The following TP53BP2 variants were observed in gnomAD, a reference collection of about 807,000 sequenced individuals.
TP53BP2 encodes the protein apoptosis-stimulating of p53 protein 2.
In TP53BP2, 62 loss-of-function variants were observed where a neutral mutation model predicts 126.2. The ratio of observed to expected loss-of-function variants is 0.49; its 90% CI spans 0.40 to 0.61. The LOEUF (loss-of-function observed/expected upper bound fraction) is 0.61, where lower values mean the gene tolerates loss of function less well. Ranked by LOEUF, TP53BP2 falls within the 20% of genes least tolerant of loss-of-function variation. The pLI is 0.00. For missense variants in TP53BP2, 1,215 were observed against 1,402.8 expected (o/e 0.87, Z 2.14); for synonymous variants, 485 against 502.9 (o/e 0.96, Z 0.48).
At chr1:223,800,195 C>T (rs1662482087) in intron 10 of TP53BP2, 148 bp from the exon 11 acceptor site, 1 of 795,480 alleles carries the variant, frequency 1.3e-6, no homozygotes, top group Non-Finnish European at 1.9e-6. Context: ...AAAGGATAAC[C>T]CAAGCACTAT....
chr1:223,836,128 G>A (rs977513263), intron 1 of TP53BP2, among the ~76,000 whole-genome samples: 4 of 152,196 alleles, frequency 2.6e-5, no homozygotes, highest in Non-Finnish European at 4.4e-5. Context: ...GGACAAAGAA[G>A]AGATGGGTCA....
chr1:223,781,198 A>G (rs1661765248), intron 17 of TP53BP2, among the ~76,000 whole-genome samples: 1 of 150,830 alleles, frequency 6.6e-6, no homozygotes. Flanking sequence ...TGAGCTGTAA[A>G]TCGGCTCTAT....
intron 2 of TP53BP2, among the ~76,000 whole-genome samples, chr1:223,817,837 A>T (rs1663142037): frequency 6.6e-6 from 1 of 151,958 alleles, no homozygotes; most frequent in Non-Finnish European, 1.5e-5. Context: ...GAGGCAGCAG[A>T]ATCACCTGAA....
intron 3 of TP53BP2, among the ~76,000 whole-genome samples, chr1:223,812,736 T>A (rs550299775): frequency 1.5e-4 from 23 of 152,224 alleles, no homozygotes; most frequent in African/African-American, 5.1e-4. Flanking sequence ...ATTTTTGTAT[T>A]TTTAGTAGAG....
At chr1:223,845,531 G>T in intron 1 of TP53BP2, 123 bp downstream of exon 1, 1 of 1,095,572 alleles carries the variant, frequency 9.1e-7, no homozygotes, top group Non-Finnish European at 1.2e-6. Flanking sequence ...GAAAGCCCCG[G>T]CCCCTCCGCG....
intron 12 of TP53BP2, 78 bp downstream of exon 12, chr1:223,798,137 T>G: frequency 7.3e-7 from 1 of 1,377,412 alleles, no homozygotes; most frequent in Non-Finnish European, 9.9e-7. Flanking sequence ...GGATTAGTTA[T>G]TTTGCTGTCT....
chr1:223,798,241 T>C lies in TP53BP2; in HGVS notation c.1922A>G (p.His641Arg). ...QAVQSALTKT[H>R]TRGPHFSSVY... is the part of the protein sequence containing the mutation. Reference sequence around the variant, plus strand: ...ACTTGAAAAGTGTGGCCCTCTGGTATGAGTCTTGGTCAACGCGCTCTGCAC... The same window carrying C: ...ACTTGAAAAGTGTGGCCCTCTGGTACGAGTCTTGGTCAACGCGCTCTGCAC... The change falls in exon 12 of 18, where the codon CAT (histidine) becomes CGT (arginine). Residue 641 changes from histidine to arginine, a missense_variant. Physicochemically the swap from His to Arg is conservative, Grantham distance 29. Transcript: ENST00000343537. The C allele has an allele frequency of 1.2e-6, 2 of 1,613,994 alleles. No individual in the cohort carries two copies. The highest frequency in any genetic ancestry group is 8.5e-7 in the Non-Finnish European group (1 of 1,179,894).
In TP53BP2 at chr1:223,800,073, A is replaced by G. The variant is rs770480278; in HGVS notation, c.1337-26T>C. 6.9e-6 allele frequency: 11 copies of G among 1,585,016 alleles called. No homozygotes were observed. In the African/African-American group the frequency reaches 1.1e-4, roughly 16 times the overall value. On this transcript the variant is annotated intron_variant, in intron 10 of 17. Transcript: ENST00000343537. ...CTAAAGACAAAAAAATCACAATGAC[A>G]TTCAAACTGTTTAGAATAAAGTATC...
intron 1 of TP53BP2, among the ~76,000 whole-genome samples, chr1:223,822,061 G>A (rs1002806844): frequency 5.3e-5 from 8 of 151,618 alleles, no homozygotes; most frequent in South Asian, 4.2e-4. Context: ...ACCACACCAC[G>A]CCATGCCACA....
chr1:223,788,984 C>A, intron 16 of TP53BP2, 24 bp downstream of exon 16: 1 of 1,608,426 alleles, frequency 6.2e-7, no homozygotes, highest in South Asian at 1.1e-5. Context: ...GTAATCAATA[C>A]ATTTAGTTCT....
At chr1:223,788,835 A>G (rs529687399) in intron 16 of TP53BP2, among the ~76,000 whole-genome samples, 173 bp downstream of exon 16, 39 of 152,354 alleles carry the variant, frequency 2.6e-4, no homozygotes, top group African/African-American at 8.9e-4. Context: ...GCTGTTTCTA[A>G]GCATACAAAC....
intron 15 of TP53BP2, among the ~76,000 whole-genome samples, chr1:223,790,589 A>T (rs556663903): frequency 2.8e-4 from 43 of 151,238 alleles, no homozygotes; most frequent in South Asian, 1.2e-3. Context: ...AAATTTTTTT[A>T]AATTCCCCAT....
rs1661729883 is a variant in TP53BP2 at position 223,780,401 on chromosome 1, C to T, written c.*452G>A. 6.4e-6 allele frequency: 1 copy of T among 157,014 alleles called. No individual in the cohort carries two copies. The highest frequency in any genetic ancestry group is 2.0e-4 in the South Asian group (1 of 5,100). 9.7% of individuals were successfully genotyped at this position (157,014 alleles called of 1,614,324 possible). A position where few individuals can be genotyped will look rare whatever the true frequency, so the allele number is the denominator to read the frequency against. On this transcript the variant is annotated 3_prime_UTR_variant, in exon 18 of 18. Transcript: ENST00000343537. ...AGTGCCTTCGAGCCTTCAGGTGAGC[C>T]CCCCAAGGGCCTGCTGGTGCCGGGG... is the stretch of plus-strand genomic sequence containing the variant.
At chr1:223,786,581 C>CATGTGTGTGTGTGT (rs1553258004) in intron 16 of TP53BP2, among the ~76,000 whole-genome samples, 28 of 144,500 alleles carry the variant, frequency 1.9e-4, no homozygotes, top group African/African-American at 6.7e-4. Context: ...TGCGTGTGTG[C>CATGTGTGTGTGTGT]GTGTGTGTGT....
At chr1:223,841,517 A>G (rs1172899669) in intron 1 of TP53BP2, among the ~76,000 whole-genome samples, 1 of 152,208 alleles carries the variant, frequency 6.6e-6, no homozygotes, top group African/African-American at 2.4e-5. Context: ...TAATGTTTCA[A>G]ATACACAACT....
At chr1:223,832,616 A>G (rs1259074103) in intron 1 of TP53BP2, among the ~76,000 whole-genome samples, 3 of 152,236 alleles carry the variant, frequency 2.0e-5, no homozygotes, top group African/African-American at 7.2e-5. Context: ...AGTTTCTTTC[A>G]AACTCATACA....
rs1664251399 is a variant in TP53BP2, at chr1:223,845,735, G to A, written c.-55C>T. ...CCGAGCTGAGGTGCCCCGGAGGGTC[G>A]CGGATGCGGGGGAGGGGAGCGGAGA... On this transcript the variant is annotated 5_prime_UTR_variant, in exon 1 of 18. Coordinates refer to ENST00000343537, the MANE Select transcript of TP53BP2 (RefSeq NM_001031685.3). 1.4e-6 allele frequency: 2 copies of A among 1,470,814 alleles called. No homozygotes were observed. The highest frequency in any genetic ancestry group is 1.8e-6 in the Non-Finnish European group (2 of 1,111,406). The allele number at this position is 1,470,814 out of a possible 1,614,324, so 91.1% of individuals were successfully genotyped here. A position where few individuals can be genotyped will look rare whatever the true frequency, so the allele number is the denominator to read the frequency against.
chr1:223,803,453 C>G lies in TP53BP2; in HGVS notation c.650-1G>C. The G allele has an allele frequency of 6.2e-7, 1 of 1,604,908 alleles. No homozygotes were observed. The highest frequency in any genetic ancestry group is 1.1e-5 in the South Asian group (1 of 90,086). ...TTATTCATCTGTTCAATTTCCTCCA[C>G]TAGATGAGACAGAGAACAGCAACAA... On this transcript the variant is annotated splice_acceptor_variant, in intron 6 of 17. Coordinates refer to ENST00000343537, the MANE Select transcript of TP53BP2 (RefSeq NM_001031685.3). LOFTEE classifies it high-confidence loss of function.
chr1:223,845,356 G>A (rs1571884056), intron 1 of TP53BP2: 2 of 734,174 alleles, frequency 2.7e-6, no homozygotes, highest in African/African-American at 1.9e-5. Context: ...CCCAGTGAAA[G>A]ACGAAAAGTT....
Sources: gnomAD v4.1 joint callset for allele counts (sites outside exome capture counted in the v4.1 genomes callset) on GRCh38, gnomAD v4.1.1 for gene constraint, MANE v1.5 for transcripts, NCBI Gene and HGNC (gene_info 2026-07-23, HGNC 2026-07-21) for gene names.